The following FSD1L variants were observed in gnomAD, a reference collection of about 807,000 sequenced individuals.
FSD1L encodes the protein fibronectin type III and SPRY domain containing 1 like, also known as FSD1-like protein.
In FSD1L, 45 loss-of-function variants were observed where a neutral mutation model predicts 71.6. The observed-to-expected ratio is 0.63, with a 90% CI of 0.49 to 0.81. The LOEUF is 0.81. Among genes scored for constraint, FSD1L ranks in the 30% least tolerant of loss-of-function variants. FSD1L has a pLI of 0.00. For missense variants in FSD1L, 561 were observed against 618.1 expected, an observed-to-expected ratio of 0.91 and a Z score of 0.98; for synonymous variants, 197 against 207.2, an observed-to-expected ratio of 0.95 and a Z score of 0.42.
chr9:105,463,194 C>T (rs1171177238), intron 2 of FSD1L, among the ~76,000 whole-genome samples: 1 of 151,926 alleles, frequency 6.6e-6, no homozygotes, highest in Non-Finnish European at 1.5e-5. Flanking sequence ...GTTTCCTGGG[C>T]TCCTTATCTA....
chr9:105,517,327 C>T (rs767262707), intron 10 of FSD1L, among the ~76,000 whole-genome samples: 13 of 152,090 alleles, frequency 8.5e-5, no homozygotes, highest in Admixed American at 1.3e-4. Context: ...ACAGAGAGCA[C>T]CACAAACATA....
rs185798596 is a variant in FSD1L, at chr9:105,470,831, C to G, written c.340-1073C>G. On this transcript the variant is annotated intron_variant, in intron 4 of 13. Coordinates refer to ENST00000481272, the MANE Select transcript of FSD1L (RefSeq NM_001145313.3). Reference sequence around the variant, plus strand: ...AAGTTTCCATACATTTCAATAAATACTAATAAGAAATGAATTCATTTAAAA... The same window carrying G: ...AAGTTTCCATACATTTCAATAAATAGTAATAAGAAATGAATTCATTTAAAA... Among the ~76,000 whole-genome samples, 2 of 152,062 alleles carry G rather than the reference C, an allele frequency of 1.3e-5. 1 individual carries two copies. The highest frequency in any genetic ancestry group is 3.9e-4 in the East Asian group (2 of 5,192).
At chr9:105,461,433 A>G (rs1337179182) in intron 1 of FSD1L, 87 bp from the exon 2 acceptor site, 47 of 550,388 alleles carry the variant, frequency 8.5e-5, no homozygotes, top group Non-Finnish European at 1.3e-4. Flanking sequence ...AATCTATTAA[A>G]TAAAATATTA....
intron 2 of FSD1L, among the ~76,000 whole-genome samples, chr9:105,462,385 TA>T (rs1171803145): frequency 6.6e-6 from 1 of 151,812 alleles, no homozygotes; most frequent in African/African-American, 2.4e-5. Context: ...CACGCCTGCC[TA>T]ATTTTTGTCT....
chr9:105,513,140 C>T (rs935490580), intron 10 of FSD1L, among the ~76,000 whole-genome samples: 1 of 152,034 alleles, frequency 6.6e-6, no homozygotes, highest in Non-Finnish European at 1.5e-5. Flanking sequence ...AGTTTCATCC[C>T]TAATCCTCTT....
chr9:105,445,007 C>T (rs2131539697), upstream of FSD1L, among the ~76,000 whole-genome samples: 1 of 152,190 alleles, frequency 6.6e-6, no homozygotes, highest in South Asian at 2.1e-4. Flanking sequence ...AAGAAAAATG[C>T]TTTATTTTAT....
In FSD1L at chr9:105,448,241, C is replaced by T. The variant is rs1245425405; in HGVS notation, c.15+6C>T. On this transcript the variant is annotated splice_donor_region_variant and intron_variant, in intron 1 of 13. Coordinates refer to ENST00000481272, the MANE Select transcript of FSD1L (RefSeq NM_001145313.3). ...TCGCCATGGACTCCCAGAAAGTAAG[C>T]GGGGGAGGGGAGCCCGGGGCTACCG... 5.3e-6 allele frequency: 7 copies of T among 1,333,216 alleles called. No homozygotes were observed. The East Asian group carries it at 1.9e-4, about 37-fold the overall frequency. 82.6% of individuals were successfully genotyped at this position (1,333,216 alleles called of 1,614,324 possible).
intron 10 of FSD1L, chr9:105,524,263 G>T (rs1835365579): frequency 6.2e-7 from 1 of 1,612,496 alleles, no homozygotes; most frequent in Non-Finnish European, 8.5e-7. Flanking sequence ...CACGTAGCTT[G>T]TAACATGCTT....
intron 10 of FSD1L, chr9:105,526,279 C>G (rs1835503357): frequency 1.2e-6 from 2 of 1,605,770 alleles, no homozygotes; most frequent in Non-Finnish European, 1.7e-6. Context: ...CCACTTAGAA[C>G]CAACAACATT....
chr9:105,442,848 G>T (rs1588886971), upstream of FSD1L, among the ~76,000 whole-genome samples: 1 of 152,220 alleles, frequency 6.6e-6, no homozygotes, highest in African/African-American at 2.4e-5. Context: ...GGCTCTGTTA[G>T]AAAGTTGGAC....
chr9:105,489,195 G>A (rs1030997311), intron 7 of FSD1L, among the ~76,000 whole-genome samples: 2 of 152,076 alleles, frequency 1.3e-5, no homozygotes, highest in Non-Finnish European at 2.9e-5. Flanking sequence ...TACAAATATA[G>A]CCAATCCTCC....
chr9:105,516,560 T>C (rs144228036), intron 10 of FSD1L, among the ~76,000 whole-genome samples: 22 of 152,068 alleles, frequency 1.4e-4, no homozygotes, highest in Middle Eastern at 3.4e-3. Context: ...GGGTCTGGAG[T>C]GGACCTCCAG....
intron 10 of FSD1L, chr9:105,530,531 T>C (rs1835824964): frequency 1.5e-6 from 1 of 678,754 alleles, no homozygotes; most frequent in Non-Finnish European, 2.7e-6. Context: ...AAAATTGTTT[T>C]TCTGTTATCA....
chr9:105,518,194 T>A (rs1180052524), intron 10 of FSD1L, among the ~76,000 whole-genome samples: 1 of 152,114 alleles, frequency 6.6e-6, no homozygotes, highest in African/African-American at 2.4e-5. Flanking sequence ...AGAATTAGAC[T>A]CCCATACAGT....
rs1185110341 is a variant in FSD1L at position 105,547,956 on chromosome 9, A to G, written c.*1473A>G. 6.6e-6 allele frequency: 1 copy of G among 152,020 alleles called. No homozygotes were observed. Among genetic ancestry groups the G allele is most frequent in the Non-Finnish European group, 1.5e-5 (1 of 67,956 alleles). The allele number at this position is 152,020 out of a possible 1,614,324, so 9.4% of individuals were successfully genotyped here. Reference sequence around the variant, plus strand: ...CATTTGCGTTGCTTTCTACATAGAGACTTGTATAATAGTATTAATAGTAGC... The same window carrying G: ...CATTTGCGTTGCTTTCTACATAGAGGCTTGTATAATAGTATTAATAGTAGC... On this transcript the variant is annotated 3_prime_UTR_variant, in exon 14 of 14. Transcript: ENST00000481272.
chr9:105,551,053 T>C lies in FSD1L; in HGVS notation c.*4570T>C, dbSNP rs1263658944. On this transcript the variant is annotated 3_prime_UTR_variant, in exon 14 of 14. Coordinates refer to ENST00000481272, the MANE Select transcript of FSD1L (RefSeq NM_001145313.3). ...AAATAGTAAGTGGTAAAACACATTT[T>C]TGTTAGTATTGGAACTTTCTGGAGA... 6.6e-6 allele frequency: 1 copy of C among 152,112 alleles called. No individual in the cohort carries two copies. Among genetic ancestry groups the C allele is most frequent in the Non-Finnish European group, 1.5e-5 (1 of 67,938 alleles). 9.4% of individuals were successfully genotyped at this position (152,112 alleles called of 1,614,324 possible).
Position 105,478,250 on chromosome 9 carries a change from G to GA in FSD1L, c.442-1098dup, listed in dbSNP as rs1831942906. Among the ~76,000 whole-genome samples, 5 of 152,144 alleles carry GA rather than the reference G, an allele frequency of 3.3e-5. No individual in the cohort carries two copies. The South Asian group carries it at 1.0e-3, about 32-fold the overall frequency. On this transcript the variant is annotated intron_variant, in intron 5 of 13. Coordinates refer to ENST00000481272, the MANE Select transcript of FSD1L (RefSeq NM_001145313.3). ...ACAGAACAAGACTCTGTCTCAAAAA[G>GA]AAAAAATCTGAGTTCTGTGTTTTTG...
chr9:105,541,787 G>C (rs571657907), intron 13 of FSD1L, among the ~76,000 whole-genome samples: 3 of 152,226 alleles, frequency 2.0e-5, no homozygotes, highest in South Asian at 4.2e-4. Flanking sequence ...TTCTTTTATA[G>C]TGGACCGTTC....
At chr9:105,517,184 C>A (rs969065947) in intron 10 of FSD1L, among the ~76,000 whole-genome samples, 8 of 152,208 alleles carry the variant, frequency 5.3e-5, no homozygotes, top group Admixed American at 2.0e-4. Context: ...TGTGAAAAGA[C>A]CAAATCTACA....
Sources: allele counts gnomAD v4.1 joint callset (sites outside exome capture counted in the v4.1 genomes callset), GRCh38; gene constraint gnomAD v4.1.1; transcripts MANE v1.5; gene names NCBI Gene and HGNC (gene_info 2026-07-23, HGNC 2026-07-21).